Variants in SUGP1 observed in about 807,000 individuals in gnomAD.
The protein encoded by SUGP1 is SURP and G-patch domain-containing protein 1.
SUGP1 carries 34 observed loss-of-function variants against 76.5 expected under a neutral mutation model. The ratio of observed to expected loss-of-function variants is 0.44; its 90% CI spans 0.34 to 0.59. The LOEUF (loss-of-function observed/expected upper bound fraction) is 0.59. Among genes scored for constraint, SUGP1 ranks in the 20% least tolerant of loss-of-function variants. The pLI, the probability that SUGP1 is intolerant of heterozygous loss-of-function variation, is 0.01. For synonymous variants in SUGP1, 326 were observed against 326.2 expected (o/e 1.00, Z 0.01); for missense variants, 752 against 851.7 (o/e 0.88, Z 1.46).
At chr19:19,313,942 C>T (rs1416093991) in intron 2 of SUGP1, among the ~76,000 whole-genome samples, 1 of 152,006 alleles carries the variant, frequency 6.6e-6, no homozygotes, top group Non-Finnish European at 1.5e-5. Context: ...AGTTAAAGAC[C>T]AGCCTGGCCA....
At chr19:19,293,099 G>A (rs946197251) in intron 8 of SUGP1, among the ~76,000 whole-genome samples, 1 of 151,560 alleles carries the variant, frequency 6.6e-6, no homozygotes, top group Non-Finnish European at 1.5e-5. Context: ...TGGTAGAGAC[G>A]GGGTTTCACC....
In SUGP1 at chr19:19,297,034, C is replaced by T; in HGVS notation, c.1198G>A (p.Glu400Lys). 2 of 1,602,526 alleles carry T rather than the reference C, an allele frequency of 1.2e-6. No individual in the cohort carries two copies. ...GCATCCACGTCCCTCTGCACCAGTTCAGCAGGTGGGAGCTCTACCTTATCC... is the reference window on the plus strand; with the variant it reads ...GCATCCACGTCCCTCTGCACCAGTTTAGCAGGTGGGAGCTCTACCTTATCC... ...EEDKVELPPA[E>K]LVQRDVDASP... The change falls in exon 8 of 14, where the codon GAA (glutamate) becomes AAA (lysine). Residue 400 changes from glutamate to lysine, a missense_variant. Glu to Lys is a moderately conservative substitution (Grantham distance 56). This residue lies in a region of SUGP1 where 620 missense variants were observed against 617.3 expected (regional missense o/e 1.00). Coordinates refer to ENST00000247001, the MANE Select transcript of SUGP1 (RefSeq NM_172231.4).
chr19:19,276,868 G>C, intron 13 of SUGP1, 79 bp downstream of exon 13: 2 of 1,585,684 alleles, frequency 1.3e-6, no homozygotes, highest in South Asian at 2.3e-5. Flanking sequence ...GCTGGACTGA[G>C]GAAGGAAGGG....
intron 3 of SUGP1, among the ~76,000 whole-genome samples, chr19:19,306,679 G>A (rs1459746434): frequency 3.3e-5 from 5 of 152,334 alleles, no homozygotes; most frequent in South Asian, 2.1e-4. Context: ...CACGGGTGAC[G>A]ATTTACCCAC....
chr19:19,302,433 C>T (rs201291009), intron 6 of SUGP1, 45 bp from the exon 7 acceptor site: 1 of 1,596,734 alleles, frequency 6.3e-7, no homozygotes, highest in Non-Finnish European at 8.6e-7. Flanking sequence ...CCACACCCAA[C>T]AGCCTAATTT....
intron 3 of SUGP1, among the ~76,000 whole-genome samples, chr19:19,309,632 C>G (rs897314931): frequency 3.3e-5 from 5 of 152,028 alleles, no homozygotes; most frequent in African/African-American, 9.7e-5. Flanking sequence ...TACAAAAGGC[C>G]GGGCACAGTG....
chr19:19,302,811 T>C (rs1322653160), intron 6 of SUGP1, among the ~76,000 whole-genome samples: 1 of 152,026 alleles, frequency 6.6e-6, no homozygotes. Flanking sequence ...TGAACATCAA[T>C]TCCACCCCAC....
rs370690596 is a variant in SUGP1, at chr19:19,276,942, C to T, written c.1911+5G>A. The T allele has an allele frequency of 1.7e-4, 269 of 1,612,644 alleles. 1 individual carries two copies. Among genetic ancestry groups the T allele is most frequent in the Non-Finnish European group, 2.1e-4 (248 of 1,179,930 alleles). On this transcript the variant is annotated splice_donor_5th_base_variant and intron_variant, in intron 13 of 13. Transcript: ENST00000247001. ...AGCAAAGGCAGCCCAGGAGGACATG[C>T]GTACCAGGGGGTTGGGCCGGAAGCG...
chr19:19,293,768 C>T (rs1038049579), intron 8 of SUGP1, among the ~76,000 whole-genome samples: 1 of 152,098 alleles, frequency 6.6e-6, no homozygotes, highest in Non-Finnish European at 1.5e-5. Flanking sequence ...CAATACGGTA[C>T]TAGAAGTCCT....
At position 19,276,687 on chromosome 19, in the gene SUGP1, AAACAGAT is replaced by A; in HGVS notation, c.1912-20_1912-14del. 6.2e-7 allele frequency: 1 copy of A among 1,614,152 alleles called. No individual in the cohort carries two copies. Among genetic ancestry groups the A allele is most frequent in the Non-Finnish European group, 8.5e-7 (1 of 1,180,030 alleles). The stretch of plus-strand genomic sequence containing the variant: ...GTCTGGGATTGTTCTGTGGAAGGCA[AAACAGAT>A]AACAGGAGGAGGGGATTAGCACTAA... On this transcript the variant is annotated splice_polypyrimidine_tract_variant and intron_variant, in intron 13 of 13. Transcript: ENST00000247001.
In SUGP1 at chr19:19,299,068, G is replaced by A. The variant is rs117162109; in HGVS notation, c.888-1724C>T. ...CCTCTGGTGGAACTAATCCCACCCT[G>A]AACCCAGGGATAACCACTGTTAAGG... On this transcript the variant is annotated intron_variant, in intron 7 of 13. Coordinates refer to ENST00000247001, the MANE Select transcript of SUGP1 (RefSeq NM_172231.4). 2.3e-3 allele frequency among the ~76,000 whole-genome samples: 348 copies of A among 152,328 alleles called. 2 individuals carry two copies. In the South Asian group the frequency reaches 0.031, roughly 14 times the overall value.
intron 6 of SUGP1, 184 bp from the exon 7 acceptor site, chr19:19,302,572 A>G (rs2315022): frequency 0.37 from 289,285 of 779,864 alleles, 56,131 homozygotes; most frequent in African/African-American, 0.63. Context: ...TCAAGCCCCC[A>G]CCCCCGACCC....
intron 7 of SUGP1, among the ~76,000 whole-genome samples, chr19:19,300,450 C>T (rs959254544): frequency 2.0e-5 from 3 of 152,162 alleles, no homozygotes; most frequent in Non-Finnish European, 2.9e-5. Context: ...GGCCCACAGG[C>T]GTGACAGGGA....
chr19:19,285,627 G>A (rs1017369845), intron 8 of SUGP1, among the ~76,000 whole-genome samples: 2 of 152,114 alleles, frequency 1.3e-5, no homozygotes, highest in Admixed American at 6.6e-5. Context: ...GTGCAATGGC[G>A]TGAACATGGC....
chr19:19,317,913 C>T (rs1180619671), intron 1 of SUGP1, among the ~76,000 whole-genome samples: 3 of 149,568 alleles, frequency 2.0e-5, no homozygotes, highest in African/African-American at 4.9e-5. Context: ...CAGGTTCAAG[C>T]GATTCTCCTG....
In SUGP1 at chr19:19,313,400, T is replaced by TA. The variant is rs1187029591; in HGVS notation, c.206+3021dup. 7.9e-5 allele frequency among the ~76,000 whole-genome samples: 12 copies of TA among 151,140 alleles called. No individual in the cohort carries two copies. The South Asian group carries it at 1.3e-3, about 16-fold the overall frequency. On this transcript the variant is annotated intron_variant, in intron 2 of 13. Transcript: ENST00000247001. ...ACAGAGTTAGACTTCATCTCAAATA[T>TA]AAAAAAAAATTGTTAGACAAACACA... is the stretch of plus-strand genomic sequence containing the variant.
intron 7 of SUGP1, among the ~76,000 whole-genome samples, chr19:19,300,874 G>A (rs999328271): frequency 5.3e-5 from 8 of 152,120 alleles, no homozygotes; most frequent in African/African-American, 1.7e-4. Context: ...GCATCTCTCA[G>A]TTCTGACATC....
Position 19,316,450 on chromosome 19 carries a change from C to T in SUGP1, c.178G>A (p.Ala60Thr). The T allele has an allele frequency of 6.2e-7, 1 of 1,613,914 alleles. No individual in the cohort carries two copies. Among genetic ancestry groups the T allele is most frequent in the Non-Finnish European group, 8.5e-7 (1 of 1,180,022 alleles). ...MEQKAKQNQV[A>T]SPQPPHPGEI... ...CCAGGATGTGGGGGCTGAGGGCTGG[C>T]CACCTGATTCTGCTTGGCTTTCTGT... Residue 60 changes from alanine to threonine, a missense_variant, in exon 2 of 14, where the codon GCC becomes ACC. Around this residue, in one of 2 missense-constraint regions of SUGP1, gnomAD observed 620 missense variants for 617.3 expected, o/e 1.00. Coordinates refer to ENST00000247001, the MANE Select transcript of SUGP1 (RefSeq NM_172231.4).
rs200143653 is a variant in SUGP1 at position 19,302,315 on chromosome 19, G to A, written c.837C>T (p.Pro279=). 29 of 1,614,164 alleles carry A rather than the reference G, an allele frequency of 1.8e-5. No individual in the cohort carries two copies. The highest frequency in any genetic ancestry group is 4.5e-5 in the East Asian group (2 of 44,882). ...KLARFIADGG[P]EVETIALQNN... is the part of the protein sequence containing the mutation. ...TCTGGAGGGCAATGGTTTCCACCTC[G>A]GGACCCCCGTCCGCTATGAACCTGG... The change falls in exon 7 of 14, where the codon CCC becomes CCT. Residue 279 remains proline, a synonymous_variant. Transcript: ENST00000247001.
Sources: allele counts gnomAD v4.1 joint callset (sites outside exome capture counted in the v4.1 genomes callset), GRCh38; gene constraint gnomAD v4.1.1; regional missense constraint gnomAD v4.1.1; transcripts MANE v1.5; gene names NCBI Gene and HGNC (gene_info 2026-07-23, HGNC 2026-07-21).